CHSY3: variants seen among roughly 807,000 people sequenced by gnomAD.
CHSY3 encodes chondroitin sulfate synthase 3, also known as N-acetylgalactosaminyl-proteoglycan 3-beta-glucuronosyltransferase 3.
CHSY3 carries 35 observed loss-of-function variants against 67.2 expected under a neutral mutation model. The observed-to-expected ratio is 0.52, with a 90% confidence interval of 0.40 to 0.69. The LOEUF (loss-of-function observed/expected upper bound fraction) is 0.69, where lower values mean the gene tolerates loss of function less well. CHSY3 is among the 30% of genes least tolerant of loss of function. The probability of loss-of-function intolerance (pLI) is 0.00; values close to 1 mark genes in which losing one functional copy is unlikely to be tolerated. For missense variants in CHSY3, 1,069 were observed against 1,138.5 expected, an observed-to-expected ratio of 0.94 and a Z score of 0.88; for synonymous variants, 474 against 434.7, an observed-to-expected ratio of 1.09 and a Z score of -1.12.
chr5:130,132,029 C>G (rs149818004), intron 2 of CHSY3, among the ~76,000 whole-genome samples: 1 of 152,284 alleles, frequency 6.6e-6, no homozygotes, highest in African/African-American at 2.4e-5. Context: ...TTAAAGCAAG[C>G]CCTATGTGAC....
At chr5:129,947,117 A>G (rs1284101240) in intron 2 of CHSY3, among the ~76,000 whole-genome samples, 3 of 152,174 alleles carry the variant, frequency 2.0e-5, no homozygotes, top group African/African-American at 7.2e-5. Flanking sequence ...GAAACTTACA[A>G]TCATGGTGGA....
intron 2 of CHSY3, among the ~76,000 whole-genome samples, chr5:130,085,134 G>A (rs529751635): frequency 8.7e-4 from 132 of 151,988 alleles, no homozygotes; most frequent in Middle Eastern, 3.4e-3. Flanking sequence ...CAAGGGGGAT[G>A]GTTCATCAGT....
At chr5:130,082,763 A>C (rs1385952737) in intron 2 of CHSY3, among the ~76,000 whole-genome samples, 1 of 151,990 alleles carries the variant, frequency 6.6e-6, no homozygotes, top group African/African-American at 2.4e-5. Context: ...CATGAGAAAC[A>C]CTATTTTCAC....
At chr5:130,167,809 A>G (rs1241285456) in intron 2 of CHSY3, among the ~76,000 whole-genome samples, 1 of 152,146 alleles carries the variant, frequency 6.6e-6, no homozygotes, top group Non-Finnish European at 1.5e-5. Context: ...TTACTAAATA[A>G]TAATAATAGC....
At chr5:130,141,528 C>A in intron 2 of CHSY3, 1 of 388,326 alleles carries the variant, frequency 2.6e-6, no homozygotes, top group South Asian at 2.3e-5. Context: ...AAGTTATTAT[C>A]ACTAATGACA....
intron 2 of CHSY3, among the ~76,000 whole-genome samples, chr5:130,075,163 G>A (rs1317011593): frequency 6.6e-6 from 1 of 152,058 alleles, no homozygotes; most frequent in African/African-American, 2.4e-5. Context: ...CGCTTAAAAT[G>A]TTTCAGGCTT....
chr5:130,093,873 A>T (rs964195714), intron 2 of CHSY3, among the ~76,000 whole-genome samples: 1 of 152,120 alleles, frequency 6.6e-6, no homozygotes, highest in East Asian at 1.9e-4. Context: ...ATCAGAACAG[A>T]TTTTAATTTT....
chr5:130,011,744 T>C (rs925379659), intron 2 of CHSY3, among the ~76,000 whole-genome samples: 2 of 152,170 alleles, frequency 1.3e-5, no homozygotes, highest in Non-Finnish European at 2.9e-5. Context: ...GGCTCCTAGA[T>C]CTGATAAACA....
intron 2 of CHSY3, among the ~76,000 whole-genome samples, chr5:130,133,796 GAA>G (rs375900326): frequency 2.1e-4 from 21 of 97,916 alleles, no homozygotes; most frequent in East Asian, 1.1e-3. Flanking sequence ...AAAAAAAAAA[GAA>G]AAAAAAAAAA....
intron 2 of CHSY3, among the ~76,000 whole-genome samples, chr5:130,082,156 C>T (rs1390681980): frequency 6.6e-6 from 1 of 151,986 alleles, no homozygotes; most frequent in Non-Finnish European, 1.5e-5. Context: ...TAGCATTTGT[C>T]TCCAAACCCC....
intron 2 of CHSY3, among the ~76,000 whole-genome samples, chr5:130,123,411 A>G (rs1419531214): frequency 6.6e-6 from 1 of 152,160 alleles, no homozygotes; most frequent in Non-Finnish European, 1.5e-5. Context: ...AAACTATTCC[A>G]CCTCAAGCAT....
intron 2 of CHSY3, among the ~76,000 whole-genome samples, chr5:129,990,252 T>G (rs953902306): frequency 6.6e-6 from 1 of 152,044 alleles, no homozygotes; most frequent in Non-Finnish European, 1.5e-5. Context: ...GGGATAGGAT[T>G]AGAAAATGTT....
chr5:129,919,217 T>C, intron 2 of CHSY3, among the ~76,000 whole-genome samples: 1 of 152,104 alleles, frequency 6.6e-6, no homozygotes. Context: ...CTTATTTATT[T>C]CATCAATTAA....
intron 2 of CHSY3, among the ~76,000 whole-genome samples, chr5:129,934,213 A>G (rs1013170458): frequency 6.6e-6 from 1 of 152,136 alleles, no homozygotes; most frequent in East Asian, 1.9e-4. Context: ...TTATGACATA[A>G]TATGTGAAAA....
chr5:130,154,284 C>T (rs1356651168), intron 2 of CHSY3, among the ~76,000 whole-genome samples: 1 of 152,192 alleles, frequency 6.6e-6, no homozygotes, highest in Non-Finnish European at 1.5e-5. Flanking sequence ...TAAGGAATAG[C>T]TCTTCCTTTA....
At chr5:130,147,953 A>G (rs947533078) in intron 2 of CHSY3, among the ~76,000 whole-genome samples, 2 of 152,090 alleles carry the variant, frequency 1.3e-5, no homozygotes, top group Non-Finnish European at 2.9e-5. Flanking sequence ...TTTGTTACCC[A>G]AGTATTAACC....
intron 2 of CHSY3, among the ~76,000 whole-genome samples, chr5:129,946,418 C>T: frequency 6.6e-6 from 1 of 151,790 alleles, no homozygotes; most frequent in East Asian, 1.9e-4. Context: ...CTTAACAATC[C>T]AAACACAATC....
intron 2 of CHSY3, among the ~76,000 whole-genome samples, chr5:130,102,584 T>G (rs1767281904): frequency 1.3e-5 from 2 of 151,944 alleles, no homozygotes; most frequent in Admixed American, 1.3e-4. Flanking sequence ...ATGATTTCAC[T>G]TTCAGATGGG....
chr5:130,050,419 T>G (rs1385992317), intron 2 of CHSY3, among the ~76,000 whole-genome samples: 1 of 152,138 alleles, frequency 6.6e-6, no homozygotes, highest in Non-Finnish European at 1.5e-5. Context: ...GTGCTATGTC[T>G]ACACAAAGAA....
Sources: allele counts gnomAD v4.1 joint callset (sites outside exome capture counted in the v4.1 genomes callset), GRCh38; gene constraint gnomAD v4.1.1; transcripts MANE v1.5; gene names NCBI Gene and HGNC (gene_info 2026-07-23, HGNC 2026-07-21).